COL23A1: variants seen among roughly 807,000 people sequenced by gnomAD.
The protein encoded by COL23A1 is collagen type XXIII alpha 1 chain.
In COL23A1, 97 loss-of-function variants were observed where a neutral mutation model predicts 99.3. That is an observed-to-expected ratio of 0.98 (90% CI 0.83 to 1.16). The LOEUF is 1.16. Ranked by LOEUF, COL23A1 falls within the 50% of genes most tolerant of loss-of-function variation. COL23A1 has a pLI of 0.00. For missense variants in COL23A1, 762 were observed against 757.4 expected (o/e 1.01, Z -0.07); for synonymous variants, 320 against 308.2 (o/e 1.04, Z -0.40).
chr5:178,249,589 T>C lies in COL23A1; in HGVS notation c.1060-383A>G, dbSNP rs868327867. ...TCCCTCCATTCAACCAATTACATTATGTCCAGGATGAGACACACACTGCGG... is the reference window on the plus strand; with the variant it reads ...TCCCTCCATTCAACCAATTACATTACGTCCAGGATGAGACACACACTGCGG... On this transcript the variant is annotated intron_variant, in intron 18 of 28. Coordinates refer to ENST00000390654, the MANE Select transcript of COL23A1 (RefSeq NM_173465.4). 6.6e-5 allele frequency among the ~76,000 whole-genome samples: 10 copies of C among 152,254 alleles called. 1 individual carries two copies. The South Asian group carries it at 8.3e-4, about 13-fold the overall frequency.
chr5:178,314,480 T>C (rs890162780), intron 2 of COL23A1, among the ~76,000 whole-genome samples: 4 of 152,142 alleles, frequency 2.6e-5, no homozygotes, highest in African/African-American at 4.8e-5. Context: ...CACGGTGCCA[T>C]TCGGTGGATG....
intron 12 of COL23A1, 83 bp downstream of exon 12, chr5:178,259,636 CAT>C: frequency 3.1e-6 from 4 of 1,301,420 alleles, no homozygotes; most frequent in Non-Finnish European, 4.3e-6. Flanking sequence ...TCCCCATCCC[CAT>C]CCCCATTCCG....
At chr5:178,276,740 G>A (rs1756606132) in intron 5 of COL23A1, among the ~76,000 whole-genome samples, 1 of 152,236 alleles carries the variant, frequency 6.6e-6, no homozygotes, top group Non-Finnish European at 1.5e-5. Flanking sequence ...TTGTGCTAGG[G>A]AAAGGAAGAA....
chr5:178,540,590 G>C (rs1454302376), intron 2 of COL23A1, among the ~76,000 whole-genome samples: 1 of 152,202 alleles, frequency 6.6e-6, no homozygotes, highest in African/African-American at 2.4e-5. Context: ...ATGTCACTCT[G>C]TCTAAATTAA....
intron 2 of COL23A1, among the ~76,000 whole-genome samples, chr5:178,443,492 GCT>G (rs1766995202): frequency 6.6e-6 from 1 of 152,188 alleles, no homozygotes; most frequent in Non-Finnish European, 1.5e-5. Context: ...ATGGAGTCTT[GCT>G]CTGTTGCCCA....
chr5:178,409,004 A>G lies in COL23A1; in HGVS notation c.362-102085T>C, dbSNP rs1335077480. ...CACACACACACACACACACACACAC[A>G]CACACACACACACACACATCATGTG... On this transcript the variant is annotated intron_variant, in intron 2 of 28. Coordinates refer to ENST00000390654, the MANE Select transcript of COL23A1 (RefSeq NM_173465.4). Among the ~76,000 whole-genome samples the G allele has an allele frequency of 3.9e-4, 59 of 149,930 alleles. No homozygotes were observed. The East Asian group carries it at 5.1e-3, about 13-fold the overall frequency.
chr5:178,559,932 G>A (rs115125922), intron 2 of COL23A1, among the ~76,000 whole-genome samples: 1,549 of 135,186 alleles, frequency 0.011, 30 homozygotes, highest in Middle Eastern at 0.071. Context: ...CTGCACGTCG[G>A]GAAGTCTGAG....
At position 178,342,681 on chromosome 5, in the gene COL23A1, C is replaced by T. The variant is rs375569595; in HGVS notation, c.362-35762G>A. 1.8e-3 allele frequency among the ~76,000 whole-genome samples: 280 copies of T among 152,240 alleles called. 2 individuals carry two copies. Among genetic ancestry groups the T allele is most frequent in the African/African-American group, 6.4e-3 (267 of 41,530 alleles). On this transcript the variant is annotated intron_variant, in intron 2 of 28. Coordinates refer to ENST00000390654, the MANE Select transcript of COL23A1 (RefSeq NM_173465.4). The stretch of plus-strand genomic sequence containing the variant: ...CCAATATGATGTGTACAGGATAATG[C>T]CTCATCCCAATCACATGTCCATTTG...
At chr5:178,502,344 G>C (rs529193853) in intron 2 of COL23A1, among the ~76,000 whole-genome samples, 1 of 152,188 alleles carries the variant, frequency 6.6e-6, no homozygotes, top group South Asian at 2.1e-4. Context: ...TGTTAGCCAG[G>C]ATGGTCTCGA....
At chr5:178,530,698 G>A (rs1760597453) in intron 2 of COL23A1, among the ~76,000 whole-genome samples, 1 of 151,022 alleles carries the variant, frequency 6.6e-6, no homozygotes, top group Non-Finnish European at 1.5e-5. Flanking sequence ...GCTCCCTCCG[G>A]CTGAGGTCCC....
At chr5:178,531,014 C>A (rs776070059) in intron 2 of COL23A1, among the ~76,000 whole-genome samples, 1 of 152,102 alleles carries the variant, frequency 6.6e-6, no homozygotes, top group Non-Finnish European at 1.5e-5. Flanking sequence ...ATTACAGGCA[C>A]GCGCCACCAC....
At chr5:178,421,184 G>A (rs894203703) in intron 2 of COL23A1, among the ~76,000 whole-genome samples, 2 of 152,120 alleles carry the variant, frequency 1.3e-5, no homozygotes, top group East Asian at 1.9e-4. Context: ...CAGTAAAAAC[G>A]GTCATGATTT....
intron 2 of COL23A1, among the ~76,000 whole-genome samples, chr5:178,489,608 G>A (rs1469354617): frequency 6.6e-6 from 1 of 152,138 alleles, no homozygotes; most frequent in Non-Finnish European, 1.5e-5. Context: ...GGAGAGGCAG[G>A]AATAAAGGCT....
Position 178,511,109 on chromosome 5 carries a change from T to C in COL23A1, c.361+49573A>G, listed in dbSNP as rs576554679. Among the ~76,000 whole-genome samples the C allele has an allele frequency of 5.3e-5, 8 of 152,348 alleles. No individual in the cohort carries two copies. In the South Asian group the frequency reaches 1.5e-3, roughly 28 times the overall value. On this transcript the variant is annotated intron_variant, in intron 2 of 28. Transcript: ENST00000390654. The stretch of plus-strand genomic sequence containing the variant: ...GTAACGTGGGAGACTGGGTTGAATT[T>C]CCTGTTCTTGTTTTTTTCCCCCAAC...
rs1229243463 is a variant in COL23A1 at position 178,415,925 on chromosome 5, G to A, written c.362-109006C>T. On this transcript the variant is annotated intron_variant, in intron 2 of 28. Transcript: ENST00000390654. The surrounding 1 kb of genome is among the most constrained non-coding windows in gnomAD (Gnocchi z 4.6). The stretch of plus-strand genomic sequence containing the variant: ...GTGATTCCAGGGCTGGATGGGACCA[G>A]AGAGAGCTTTCAGGAGGTGAAGTCA... Among the ~76,000 whole-genome samples the A allele has an allele frequency of 6.6e-6, 1 of 152,096 alleles. No homozygotes were observed. The highest frequency in any genetic ancestry group is 2.4e-5 in the African/African-American group (1 of 41,378).
chr5:178,418,128 T>C (rs904637075), intron 2 of COL23A1, among the ~76,000 whole-genome samples: 3 of 152,242 alleles, frequency 2.0e-5, no homozygotes, highest in Admixed American at 2.0e-4. Context: ...CTGTGTGATC[T>C]TGGATAAGTT....
intron 2 of COL23A1, among the ~76,000 whole-genome samples, chr5:178,321,735 C>T (rs945431022): frequency 5.7e-4 from 86 of 151,906 alleles, no homozygotes; most frequent in African/African-American, 2.0e-3. Flanking sequence ...GTGATCCACC[C>T]GCCTCAGCCT....
At chr5:178,368,419 G>A (rs1037342345) in intron 2 of COL23A1, among the ~76,000 whole-genome samples, 7 of 152,152 alleles carry the variant, frequency 4.6e-5, no homozygotes, top group African/African-American at 1.4e-4. Context: ...TACGTCTGTC[G>A]GCTGATGAAC....
chr5:178,336,006 C>A (rs1000568656), intron 2 of COL23A1, among the ~76,000 whole-genome samples: 29 of 152,116 alleles, frequency 1.9e-4, no homozygotes, highest in African/African-American at 7.0e-4. Flanking sequence ...TTTGCCTTAT[C>A]CAAGTGGCAG....
Sources: gnomAD v4.1 joint callset for allele counts (sites outside exome capture counted in the v4.1 genomes callset) on GRCh38, gnomAD v4.1.1 for gene constraint, Gnocchi (gnomAD v3.1) non-coding constraint, MANE v1.5 for transcripts, NCBI Gene and HGNC (gene_info 2026-07-23, HGNC 2026-07-21) for gene names.